Variants in RIPOR3 observed in about 807,000 individuals in gnomAD.
RIPOR3 encodes RIPOR family member 3, also known as family with sequence similarity 65 member C.
A neutral mutation model predicts 114.3 loss-of-function variants in RIPOR3; 95 were observed. That is an observed-to-expected ratio of 0.83 (90% CI 0.70 to 0.99). RIPOR3 has a LOEUF of 0.99. RIPOR3 is among the 50% of genes least tolerant of loss of function. The pLI, the probability that RIPOR3 is intolerant of heterozygous loss-of-function variation, is 0.00. For synonymous variants in RIPOR3, 575 were observed against 543.8 expected (o/e 1.06, Z -0.80); for missense variants, 1,252 against 1,266.9 (o/e 0.99, Z 0.18).
At chr20:50,593,696 C>T (rs921599280) in intron 17 of RIPOR3, among the ~76,000 whole-genome samples, 3 of 152,100 alleles carry the variant, frequency 2.0e-5, no homozygotes, top group Non-Finnish European at 4.4e-5. Context: ...TGAGTCAGAC[C>T]GTGTTGGGTT....
intron 1 of RIPOR3, among the ~76,000 whole-genome samples, chr20:50,682,318 A>G (rs889930867): frequency 6.6e-6 from 1 of 152,240 alleles, no homozygotes; most frequent in African/African-American, 2.4e-5. Flanking sequence ...TAAAAATGTA[A>G]GTGCAGGGGC....
intron 1 of RIPOR3, among the ~76,000 whole-genome samples, chr20:50,637,752 G>A (rs1231682558): frequency 2.0e-5 from 3 of 152,030 alleles, no homozygotes; most frequent in Non-Finnish European, 4.4e-5. Context: ...GCGGGCTCCT[G>A]TAATCCCAGC....
At position 50,602,370 on chromosome 20, in the gene RIPOR3, C is replaced by A. The variant is rs1447149250; in HGVS notation, c.1361G>T (p.Gly454Val). The A allele has an allele frequency of 6.8e-6, 11 of 1,613,524 alleles. No individual in the cohort carries two copies. The highest frequency in any genetic ancestry group is 9.3e-6 in the Non-Finnish European group (11 of 1,179,930). ...GAGGTGGGCCATCTCTGGCAGGAGACCTGGGGGCAGGGGGTCCTCCCGAGC... is the reference window on the plus strand; with the variant it reads ...GAGGTGGGCCATCTCTGGCAGGAGAACTGGGGGCAGGGGGTCCTCCCGAGC... Reference protein sequence around the residue: ...EEAREDPLPPGLLPEMAHLSG... With the variant: ...EEAREDPLPPVLLPEMAHLSG... The change falls in exon 13 of 22, where the codon GGT (glycine) becomes GTT (valine). Residue 454 changes from glycine to valine, a missense_variant. By Grantham distance (109) the Gly-to-Val change is moderately radical. Coordinates refer to ENST00000327979, the MANE Select transcript of RIPOR3 (RefSeq NM_001290268.2). This position sits in a 1 kb window ranked among gnomAD's most constrained non-coding sequence, Gnocchi z 4.3.
At chr20:50,626,261 A>C (rs907082283) in intron 2 of RIPOR3, among the ~76,000 whole-genome samples, 1 of 152,236 alleles carries the variant, frequency 6.6e-6, no homozygotes, top group African/African-American at 2.4e-5. Context: ...GCCCTCACAC[A>C]AGGGGGCGGC....
chr20:50,687,365 A>C (rs1366895507), intron 1 of RIPOR3, among the ~76,000 whole-genome samples: 1 of 152,222 alleles, frequency 6.6e-6, no homozygotes, highest in African/African-American at 2.4e-5. Flanking sequence ...GGGAAATTGA[A>C]AGATTTGCAT....
At chr20:50,603,947 C>T (rs920280196) in intron 12 of RIPOR3, among the ~76,000 whole-genome samples, 3 of 152,024 alleles carry the variant, frequency 2.0e-5, no homozygotes, top group African/African-American at 7.2e-5. Context: ...TTTGGGAGGC[C>T]GAGGCGGGTG....
At chr20:50,604,547 G>C in intron 12 of RIPOR3, 98 bp downstream of exon 12, 1 of 1,451,480 alleles carries the variant, frequency 6.9e-7, no homozygotes, top group Non-Finnish European at 9.1e-7. Flanking sequence ...CCCGAGGCTT[G>C]CCATGTCTGG....
chr20:50,591,227 T>C (rs1388660117), intron 19 of RIPOR3, among the ~76,000 whole-genome samples: 2 of 152,246 alleles, frequency 1.3e-5, no homozygotes, highest in Admixed American at 1.3e-4. Context: ...CTTGGAAATT[T>C]GAACATAAGA....
chr20:50,589,698 G>A lies in RIPOR3; in HGVS notation c.2649C>T (p.Leu883=). The A allele has an allele frequency of 6.2e-7, 1 of 1,613,708 alleles. No individual in the cohort carries two copies. Among genetic ancestry groups the A allele is most frequent in the Non-Finnish European group, 8.5e-7 (1 of 1,179,814 alleles). Residue 883 remains leucine (L), a synonymous_variant, in exon 20 of 22, where the codon CTC becomes CTT. Coordinates refer to ENST00000327979, the MANE Select transcript of RIPOR3 (RefSeq NM_001290268.2). ...ACGTCAGGCTCACCTTGAGGTGTTT[G>A]AGCGCTAGGCATGCGGCCTGCTGGA... The part of the protein sequence containing the change: ...ARLQQAACLA[L]KHLKGIESID...
intron 1 of RIPOR3, among the ~76,000 whole-genome samples, chr20:50,642,295 C>T (rs1475932511): frequency 6.6e-6 from 1 of 151,272 alleles, no homozygotes; most frequent in Non-Finnish European, 1.5e-5. Flanking sequence ...ACCATCCTTT[C>T]TCAGTTTTCT....
intron 2 of RIPOR3, chr20:50,620,864 T>C: frequency 1.4e-6 from 1 of 724,414 alleles, no homozygotes; most frequent in Non-Finnish European, 2.5e-6. Flanking sequence ...TCTGACCAAA[T>C]ACACTGAGTT....
intron 14 of RIPOR3, 174 bp downstream of exon 14, chr20:50,597,406 A>AG (rs2083330604): frequency 1.0e-6 from 1 of 958,214 alleles, no homozygotes; most frequent in Non-Finnish European, 1.5e-6. Context: ...ACCGGCTCTG[A>AG]GGCAAGTGGG....
At chr20:50,630,960 C>T in intron 1 of RIPOR3, 104 bp from the exon 2 acceptor site, 2 of 899,002 alleles carry the variant, frequency 2.2e-6, no homozygotes, top group Non-Finnish European at 3.5e-6. Context: ...ACAATGGCCC[C>T]AGAGTGTTGT....
chr20:50,615,294 CA>C (rs1184809856), intron 4 of RIPOR3, among the ~76,000 whole-genome samples: 2 of 151,876 alleles, frequency 1.3e-5, no homozygotes, highest in African/African-American at 4.8e-5. Context: ...GAGGCCGACA[CA>C]GGAGGATTGC....
chr20:50,629,410 G>A (rs1284147485), intron 2 of RIPOR3, among the ~76,000 whole-genome samples: 1 of 152,188 alleles, frequency 6.6e-6, no homozygotes. Flanking sequence ...ATGGTTCCCT[G>A]GGGGCTTGCA....
At chr20:50,679,307 C>T (rs1030500414) in intron 1 of RIPOR3, among the ~76,000 whole-genome samples, 1 of 150,220 alleles carries the variant, frequency 6.7e-6, no homozygotes, top group Non-Finnish European at 1.5e-5. Context: ...AAAAAAGAGG[C>T]ACCAAGAAGT....
At chr20:50,603,040 A>G (rs2083564577) in intron 12 of RIPOR3, among the ~76,000 whole-genome samples, 1 of 152,170 alleles carries the variant, frequency 6.6e-6, no homozygotes, top group South Asian at 2.1e-4. Flanking sequence ...CCTGTCCTGG[A>G]CAGCCTTTTT....
chr20:50,668,920 C>CTCATGCA (rs1484475452), intron 1 of RIPOR3, among the ~76,000 whole-genome samples: 1 of 151,990 alleles, frequency 6.6e-6, no homozygotes, highest in Non-Finnish European at 1.5e-5. Flanking sequence ...CCACACATGG[C>CTCATGCA]TCATGCATGC....
chr20:50,684,166 A>C (rs979889161), intron 1 of RIPOR3, among the ~76,000 whole-genome samples: 3 of 151,086 alleles, frequency 2.0e-5, no homozygotes, highest in Non-Finnish European at 4.4e-5. Flanking sequence ...TGTATGTTAG[A>C]TGATGAGACG....
Sources: gnomAD v4.1 joint callset for allele counts (sites outside exome capture counted in the v4.1 genomes callset) on GRCh38, gnomAD v4.1.1 for gene constraint, Gnocchi (gnomAD v3.1) non-coding constraint, MANE v1.5 for transcripts, NCBI Gene and HGNC (gene_info 2026-07-23, HGNC 2026-07-21) for gene names.